FLT1: variants seen among roughly 807,000 people sequenced by gnomAD.
FLT1 encodes fms related receptor tyrosine kinase 1.
FLT1 carries 49 observed loss-of-function variants against 156.3 expected under a neutral mutation model. The observed-to-expected ratio is 0.31, with a 90% confidence interval of 0.25 to 0.40. The LOEUF is 0.40. Among genes scored for constraint, FLT1 ranks in the 10% least tolerant of loss-of-function variants. The pLI is 1.00. For synonymous variants in FLT1, 594 were observed against 583.8 expected (o/e 1.02, Z -0.25); for missense variants, 1,322 against 1,637.2 (o/e 0.81, Z 3.32).
chr13:28,386,362 G>C (rs777502474), intron 13 of FLT1: 9 of 1,005,972 alleles, frequency 8.9e-6, no homozygotes, highest in Non-Finnish European at 1.1e-5. Flanking sequence ...AGTATATCAT[G>C]GCAGGGTTAC....
intron 1 of FLT1, among the ~76,000 whole-genome samples, chr13:28,473,616 G>C (rs1404633003): frequency 6.7e-6 from 1 of 150,024 alleles, no homozygotes; most frequent in Non-Finnish European, 1.5e-5. Context: ...TTGCACTCCA[G>C]CCTGGGTGAC....
At chr13:28,333,159 A>G (rs902750987) in intron 18 of FLT1, among the ~76,000 whole-genome samples, 9 of 152,220 alleles carry the variant, frequency 5.9e-5, no homozygotes, top group African/African-American at 2.2e-4. Context: ...CCCTAAGCAA[A>G]CAACCCTTTC....
chr13:28,308,300 C>T (rs1211280684), intron 28 of FLT1: 1 of 180,882 alleles, frequency 5.5e-6, no homozygotes, highest in African/African-American at 2.3e-5. Flanking sequence ...AGCCCCTCAA[C>T]CCCACATCAC....
chr13:28,351,269 G>A (rs1400871173), intron 15 of FLT1, among the ~76,000 whole-genome samples: 1 of 152,020 alleles, frequency 6.6e-6, no homozygotes, highest in Admixed American at 6.6e-5. Context: ...TACTTATGTG[G>A]GTTTATTGCC....
At chr13:28,395,565 T>C (rs1438170982) in intron 12 of FLT1, among the ~76,000 whole-genome samples, 2 of 152,174 alleles carry the variant, frequency 1.3e-5, no homozygotes, top group Non-Finnish European at 2.9e-5. Context: ...AGTTTGGATA[T>C]ATTGGGTTAA....
At position 28,311,792 on chromosome 13, in the gene FLT1, A is replaced by G. The variant is rs114152863; in HGVS notation, c.3493-60T>C. 1.8e-4 allele frequency: 282 copies of G among 1,573,270 alleles called. No homozygotes were observed. In the African/African-American group the frequency reaches 3.5e-3, roughly 19 times the overall value. The stretch of plus-strand genomic sequence containing the variant: ...ATTCTGACTTCAACAATTTCTATGA[A>G]CCATTATGTCAACTTTGACTATGTC... On this transcript the variant is annotated intron_variant, in intron 26 of 29. Coordinates refer to ENST00000282397, the MANE Select transcript of FLT1 (RefSeq NM_002019.4).
intron 14 of FLT1, among the ~76,000 whole-genome samples, chr13:28,367,176 C>T (rs902894290): frequency 7.9e-5 from 12 of 152,152 alleles, no homozygotes; most frequent in African/African-American, 1.2e-4. Context: ...AAAATTCTGT[C>T]AGTTAATTTT....
At chr13:28,409,577 T>C (rs7336520) in intron 10 of FLT1, among the ~76,000 whole-genome samples, 3,877 of 152,086 alleles carry the variant, frequency 0.025, 150 homozygotes, top group African/African-American at 0.085. Flanking sequence ...TCAAGCAATC[T>C]GCCTGCCTCA....
At chr13:28,447,679 A>C (rs566841392) in intron 3 of FLT1, among the ~76,000 whole-genome samples, 1 of 152,246 alleles carries the variant, frequency 6.6e-6, no homozygotes, top group Admixed American at 6.5e-5. Flanking sequence ...AATGGGAGAA[A>C]ACATTTGCAA....
chr13:28,460,837 T>A (rs1228130887), intron 3 of FLT1, among the ~76,000 whole-genome samples: 1 of 151,880 alleles, frequency 6.6e-6, no homozygotes, highest in Admixed American at 6.6e-5. Context: ...CACGCACGTA[T>A]GTACTTTACA....
intron 15 of FLT1, among the ~76,000 whole-genome samples, chr13:28,353,871 C>T (rs574798919): frequency 6.0e-4 from 91 of 152,226 alleles, no homozygotes; most frequent in Non-Finnish European, 7.8e-4. Context: ...TCATCCTTTA[C>T]GGATACAAAA....
chr13:28,389,295 G>A lies in FLT1; in HGVS notation c.1969+501C>T. 3 of 1,192,796 alleles carry A rather than the reference G, an allele frequency of 2.5e-6. No individual in the cohort carries two copies. The South Asian group carries it at 1.2e-4, about 49-fold the overall frequency. 73.9% of individuals were successfully genotyped at this position (1,192,796 alleles called of 1,614,324 possible). On this transcript the variant is annotated intron_variant, in intron 13 of 29. Transcript: ENST00000282397. ...AATTCAACTGTACTCATTCTGAGCTGGAAAATTAACTTATTCGTGTCCATC... is the reference window on the plus strand; with the variant it reads ...AATTCAACTGTACTCATTCTGAGCTAGAAAATTAACTTATTCGTGTCCATC...
Position 28,303,496 on chromosome 13 carries a change from C to CA in FLT1, c.3816-129_3816-128insT, listed in dbSNP as rs1003998832. 3.0e-4 allele frequency: 242 copies of CA among 799,208 alleles called. 1 individual carries two copies. In the African/African-American group the frequency reaches 3.4e-3, roughly 11 times the overall value. The allele number at this position is 799,208 out of a possible 1,614,324, so 49.5% of individuals were successfully genotyped here. A position where few individuals can be genotyped will look rare whatever the true frequency, so the allele number is the denominator to read the frequency against. Reference sequence around the variant, plus strand: ...TCTAGAGTTCATGGTTTTGGAACCCCCCCCCCCTCAATTGCTGTCAGATTT... The same window carrying CA: ...TCTAGAGTTCATGGTTTTGGAACCCCACCCCCCCTCAATTGCTGTCAGATTT... On this transcript the variant is annotated intron_variant, in intron 29 of 29. Coordinates refer to ENST00000282397, the MANE Select transcript of FLT1 (RefSeq NM_002019.4).
intron 4 of FLT1, among the ~76,000 whole-genome samples, chr13:28,434,554 T>A (rs1463520024): frequency 2.6e-5 from 4 of 152,200 alleles, no homozygotes. Flanking sequence ...CCTCCGGGAA[T>A]CTTCATAATA....
At chr13:28,432,874 C>T (rs1877780272) in intron 6 of FLT1, among the ~76,000 whole-genome samples, 1 of 152,184 alleles carries the variant, frequency 6.6e-6, no homozygotes, top group South Asian at 2.1e-4. Context: ...CAAGCCATAG[C>T]ATTTTTATTT....
At chr13:28,319,386 T>C in intron 24 of FLT1, 37 bp downstream of exon 24, 2 of 1,306,204 alleles carry the variant, frequency 1.5e-6, no homozygotes, top group Non-Finnish European at 2.2e-6. Context: ...GACATTTATT[T>C]CTGGGCTGTT....
intron 14 of FLT1, among the ~76,000 whole-genome samples, chr13:28,379,484 G>A (rs764820793): frequency 1.3e-5 from 2 of 152,196 alleles, no homozygotes; most frequent in African/African-American, 2.4e-5. Flanking sequence ...GAAGAGTGGT[G>A]TCAGGGCGCA....
chr13:28,327,894 A>G (rs537701244), intron 19 of FLT1, among the ~76,000 whole-genome samples: 1 of 152,246 alleles, frequency 6.6e-6, no homozygotes, highest in African/African-American at 2.4e-5. Context: ...GACCCTTGCG[A>G]GTAGAGCGGC....
chr13:28,462,147 A>C (rs1879613161), intron 3 of FLT1, among the ~76,000 whole-genome samples: 1 of 152,194 alleles, frequency 6.6e-6, no homozygotes, highest in African/African-American at 2.4e-5. Flanking sequence ...TGGGGAGCTC[A>C]ACACCCTAAG....
Sources: gnomAD v4.1 joint callset for allele counts (sites outside exome capture counted in the v4.1 genomes callset) on GRCh38, gnomAD v4.1.1 for gene constraint, MANE v1.5 for transcripts, NCBI Gene and HGNC (gene_info 2026-07-23, HGNC 2026-07-21) for gene names.